Variants in DIAPH2 observed in about 807,000 individuals in gnomAD.
The protein encoded by DIAPH2 is protein diaphanous homolog 2.
DIAPH2 carries 35 observed loss-of-function variants against 92.7 expected under a neutral mutation model. The ratio of observed to expected loss-of-function variants is 0.38; its 90% CI spans 0.29 to 0.50. The LOEUF (loss-of-function observed/expected upper bound fraction) is 0.50, where lower values mean the gene tolerates loss of function less well. Among genes scored for constraint, DIAPH2 ranks in the 20% least tolerant of loss-of-function variants. The pLI, the probability that DIAPH2 is intolerant of heterozygous loss-of-function variation, is 0.94. For missense variants in DIAPH2, 701 were observed against 819.5 expected, an observed-to-expected ratio of 0.86 and a Z score of 1.77; for synonymous variants, 301 against 280.4, an observed-to-expected ratio of 1.07 and a Z score of -0.73.
intron 22 of DIAPH2, among the ~76,000 whole-genome samples, chrX:97,236,920 T>C (rs2068053052): frequency 8.9e-6 from 1 of 112,076 alleles, no homozygotes; most frequent in African/African-American, 3.2e-5. Context: ...AGTCGTCTTG[T>C]TGTGAAACAG....
chrX:97,504,201 C>T (rs1384920851), intron 26 of DIAPH2, among the ~76,000 whole-genome samples: 4 of 111,974 alleles, frequency 3.6e-5, no homozygotes, highest in African/African-American at 6.5e-5. Flanking sequence ...CTAAGTTGAT[C>T]GCAGCACTTC....
At chrX:97,323,064 C>T (rs756929042) in intron 23 of DIAPH2, among the ~76,000 whole-genome samples, 7 of 106,311 alleles carry the variant, frequency 6.6e-5, no homozygotes, top group African/African-American at 1.7e-4. Context: ...GCCACCACGC[C>T]CGGCTAATTT....
chrX:96,747,432 G>A (rs1008841758), intron 3 of DIAPH2, among the ~76,000 whole-genome samples: 1 of 112,084 alleles, frequency 8.9e-6, no homozygotes, highest in Admixed American at 9.5e-5. Flanking sequence ...TAAAGGTAAT[G>A]TTTAATATAT....
At chrX:97,362,916 A>T (rs1276903181) in intron 24 of DIAPH2, among the ~76,000 whole-genome samples, 2 of 112,609 alleles carry the variant, frequency 1.8e-5, no homozygotes, top group Non-Finnish European at 3.8e-5. Context: ...AGATTTTAAC[A>T]GTGTAAATGT....
chrX:96,842,776 T>C lies in DIAPH2; in HGVS notation c.448-38803T>C, dbSNP rs750573678. On this transcript the variant is annotated intron_variant, in intron 4 of 26. Transcript: ENST00000324765. ...GTCTCCTTAGATTTGAAAGTACAGA[T>C]GTAGAGTAAAGAAATATACTTTAGT... is the stretch of plus-strand genomic sequence containing the variant. Among the ~76,000 whole-genome samples the C allele has an allele frequency of 2.8e-4, 31 of 110,881 alleles. No individual in the cohort carries two copies. The East Asian group carries it at 7.8e-3, about 28-fold the overall frequency.
chrX:96,810,962 A>G (rs1448249626), intron 4 of DIAPH2, among the ~76,000 whole-genome samples: 1 of 111,871 alleles, frequency 8.9e-6, no homozygotes, highest in Admixed American at 9.5e-5. Context: ...TGATGCCTCC[A>G]GCTTTGTTCT....
intron 22 of DIAPH2, among the ~76,000 whole-genome samples, chrX:97,162,844 G>A (rs1161260090): frequency 1.8e-5 from 2 of 110,434 alleles, no homozygotes; most frequent in Admixed American, 1.9e-4. Context: ...TTTTTTCCCC[G>A]TCTATTTCTT....
chrX:97,115,600 G>A (rs1040553192), intron 21 of DIAPH2, among the ~76,000 whole-genome samples: 11 of 111,147 alleles, frequency 9.9e-5, no homozygotes, highest in Non-Finnish European at 1.7e-4. Context: ...TACTTATATC[G>A]TTCTAAAAAG....
chrX:97,043,690 A>G (rs968009449), intron 17 of DIAPH2, among the ~76,000 whole-genome samples: 3 of 111,192 alleles, frequency 2.7e-5, no homozygotes, highest in African/African-American at 9.8e-5. Context: ...CCACTAATAC[A>G]ATTGAGATAC....
intron 1 of DIAPH2, among the ~76,000 whole-genome samples, chrX:96,713,876 C>T (rs2063933809): frequency 1.8e-5 from 2 of 111,448 alleles, no homozygotes; most frequent in Non-Finnish European, 3.8e-5. Context: ...ACTGTTTATC[C>T]GTTCACCTAC....
rs200016052 is a variant in DIAPH2 at position 97,276,794 on chromosome X, TGATA to T, written c.2844+28961_2844+28964del. ...GTTTGGACATAAATTATTTGGAATA[TGATA>T]GATAGCCTTTATATGAGAATTGTAC... On this transcript the variant is annotated intron_variant, in intron 23 of 26. Coordinates refer to ENST00000324765, the MANE Select transcript of DIAPH2 (RefSeq NM_006729.5). Among the ~76,000 whole-genome samples the T allele has an allele frequency of 3.6e-3, 398 of 112,111 alleles. 1 individual carries two copies. Among genetic ancestry groups the T allele is most frequent in the African/African-American group, 0.012 (366 of 30,892 alleles).
At chrX:97,099,910 A>G (rs2066895194) in intron 20 of DIAPH2, 115 bp downstream of exon 20, 7 of 325,320 alleles carry the variant, frequency 2.2e-5, no homozygotes, top group Middle Eastern at 8.6e-4. Context: ...GTATTGCTAC[A>G]TAATTTAATA....
At position 96,898,504 on chromosome X, in the gene DIAPH2, T is replaced by G. The variant is rs1212692804; in HGVS notation, c.588-13824T>G. Reference sequence around the variant, plus strand: ...ATGGTGAGCATTTATTCATGTGTCTTTTGGCTGCATAAATGTCTTCTTTTG... The same window carrying G: ...ATGGTGAGCATTTATTCATGTGTCTGTTGGCTGCATAAATGTCTTCTTTTG... On this transcript the variant is annotated intron_variant, in intron 5 of 26. Coordinates refer to ENST00000324765, the MANE Select transcript of DIAPH2 (RefSeq NM_006729.5). Among the ~76,000 whole-genome samples, 11 of 84,605 alleles carry G rather than the reference T, an allele frequency of 1.3e-4. 1 individual carries two copies. Among genetic ancestry groups the G allele is most frequent in the Non-Finnish European group, 1.8e-4 (7 of 39,229 alleles). 73.5% of individuals were successfully genotyped at this position (84,605 alleles called of 115,157 possible).
chrX:96,737,579 T>A, intron 2 of DIAPH2, among the ~76,000 whole-genome samples: 1 of 111,855 alleles, frequency 8.9e-6, no homozygotes, highest in Non-Finnish European at 1.9e-5. Context: ...TTCAGTTTTA[T>A]GCACATTACT....
intron 1 of DIAPH2, among the ~76,000 whole-genome samples, chrX:96,687,457 T>TC (rs202169615): frequency 1.8e-5 from 2 of 110,023 alleles, no homozygotes; most frequent in Non-Finnish European, 3.8e-5. Context: ...TTTTTTTTTT[T>TC]GGGACGAAGT....
intron 21 of DIAPH2, among the ~76,000 whole-genome samples, chrX:97,118,139 A>G (rs2067029448): frequency 8.9e-6 from 1 of 111,936 alleles, no homozygotes; most frequent in Admixed American, 9.5e-5. Flanking sequence ...TGCTGGAAGG[A>G]TATGAAGTAA....
chrX:97,123,625 A>G (rs1468551002), intron 21 of DIAPH2, among the ~76,000 whole-genome samples: 2 of 112,242 alleles, frequency 1.8e-5, no homozygotes, highest in African/African-American at 6.5e-5. Flanking sequence ...CACTAAATCA[A>G]GATACTTGGA....
chrX:97,551,334 A>G (rs1042388170), intron 26 of DIAPH2, among the ~76,000 whole-genome samples: 1 of 111,502 alleles, frequency 9.0e-6, no homozygotes, highest in Non-Finnish European at 1.9e-5. Context: ...TCATGCCTGT[A>G]ATCCCAGCAC....
intron 17 of DIAPH2, among the ~76,000 whole-genome samples, chrX:97,019,931 T>A (rs2066286400): frequency 8.9e-6 from 1 of 112,350 alleles, no homozygotes; most frequent in South Asian, 3.6e-4. Context: ...AACAGATCCT[T>A]GGGGGAATAC....
Sources: allele counts gnomAD v4.1 joint callset (sites outside exome capture counted in the v4.1 genomes callset), GRCh38; gene constraint gnomAD v4.1.1; transcripts MANE v1.5; gene names NCBI Gene and HGNC (gene_info 2026-07-23, HGNC 2026-07-21).